TAFAZZIN: variants seen among roughly 807,000 people sequenced by gnomAD.
TAFAZZIN encodes tafazzin, phospholipid-lysophospholipid transacylase, also known as protein G4.5.
Under a neutral mutation model 27.3 loss-of-function variants are expected in TAFAZZIN, and 6 were observed. That is an observed-to-expected ratio of 0.22 (90% CI 0.12 to 0.43). The LOEUF is 0.43. Among genes scored for constraint, TAFAZZIN ranks in the 20% least tolerant of loss-of-function variants. TAFAZZIN has a pLI of 1.00. For missense variants in TAFAZZIN, 127 were observed against 244.5 expected, an observed-to-expected ratio of 0.52 and a Z score of 3.21; for synonymous variants, 79 against 96.2, an observed-to-expected ratio of 0.82 and a Z score of 1.04.
In TAFAZZIN at chrX:154,412,160, C is replaced by T. The variant is rs2068328744; in HGVS notation, c.184C>T (p.Pro62Ser). The T allele has an allele frequency of 8.3e-6, 10 of 1,202,404 alleles. No individual in the cohort carries two copies. The highest frequency in any genetic ancestry group is 1.1e-5 in the Non-Finnish European group (10 of 890,599). Residue 62 changes from proline to serine, a missense_variant, in exon 2 of 11, where the codon CCC (proline) becomes TCC (serine). Coordinates refer to ENST00000601016, the MANE Select transcript of TAFAZZIN (RefSeq NM_000116.5). ...CATCGAGAAGCGAGGCCCGGCCACGCCCCTCATCACCGTGTCCAATCACCA... is the reference window on the plus strand; with the variant it reads ...CATCGAGAAGCGAGGCCCGGCCACGTCCCTCATCACCGTGTCCAATCACCA... ...ELIEKRGPAT[P>S]LITVSNHQSC...
At position 154,414,149 on chromosome X, in the gene TAFAZZIN, C is replaced by T. The variant is rs727503454; in HGVS notation, c.419C>T (p.Thr140Ile). ...AATGAGGGGAAAGGTGTTCTAGACA[C>T]AGGCAGGCACATGCCAGGTGCTGGA... ...AENEGKGVLD[T>I]GRHMPGAGKR... Residue 140 changes from threonine to isoleucine, a missense_variant, in exon 5 of 11, where the codon ACA becomes ATA. By Grantham distance (89) the Thr-to-Ile change is moderately conservative. Transcript: ENST00000601016. 3 of 1,207,436 alleles carry T rather than the reference C, an allele frequency of 2.5e-6. No homozygotes were observed. The highest frequency in any genetic ancestry group is 3.4e-6 in the Non-Finnish European group (3 of 894,053).
intron 5 of TAFAZZIN, among the ~76,000 whole-genome samples, chrX:154,418,104 T>C (rs2068536418): frequency 8.9e-6 from 1 of 112,083 alleles, no homozygotes; most frequent in Non-Finnish European, 1.9e-5. Flanking sequence ...ATTTTTTAAA[T>C]TCCAGTTTCA....
intron 2 of TAFAZZIN, chrX:154,412,913 C>G: frequency 2.5e-6 from 1 of 394,397 alleles, no homozygotes; most frequent in Non-Finnish European, 4.5e-6. Context: ...ATCCACTAGC[C>G]TAGACTGGGC....
intron 3 of TAFAZZIN, 38 bp from the exon 4 acceptor site, chrX:154,413,444 T>A (rs782135922): frequency 8.3e-7 from 1 of 1,208,813 alleles, no homozygotes; most frequent in Non-Finnish European, 1.1e-6. Context: ...TGGAGCGGGG[T>A]GCAGGGGGCA....
chrX:154,411,892 T>G lies in TAFAZZIN; in HGVS notation c.49T>G (p.Trp17Gly). ...WPFPAVPPLT[W>G]TLASSVVMGL... The stretch of plus-strand genomic sequence containing the variant: ...GTTCCCCGCGGTGCCGCCGCTCACC[T>G]GGACCCTGGCCAGCAGCGTCGTCAT... Residue 17 changes from tryptophan to glycine, a missense_variant, in exon 1 of 11, where the codon TGG (tryptophan) becomes GGG (glycine). Coordinates refer to ENST00000601016, the MANE Select transcript of TAFAZZIN (RefSeq NM_000116.5). The G allele has an allele frequency of 8.3e-7, 1 of 1,207,290 alleles. No individual in the cohort carries two copies. The highest frequency in any genetic ancestry group is 1.1e-6 in the Non-Finnish European group (1 of 894,162).
chrX:154,416,025 G>A (rs935597746), intron 5 of TAFAZZIN, among the ~76,000 whole-genome samples: 2 of 110,762 alleles, frequency 1.8e-5, no homozygotes, highest in Non-Finnish European at 1.9e-5. Context: ...TTGCGAGGCC[G>A]AGGCGGGTGG....
At chrX:154,419,826 G>T in intron 7 of TAFAZZIN, 80 bp downstream of exon 7, 1 of 1,179,340 alleles carries the variant, frequency 8.5e-7, no homozygotes, top group East Asian at 3.0e-5. Flanking sequence ...CCGCCCCCTC[G>T]GGCTGGCTTG....
Position 154,414,136 on chromosome X carries a change from GGT to G in TAFAZZIN, c.409_410del (p.Val137SerfsTer65). The G allele has an allele frequency of 8.3e-7, 1 of 1,209,405 alleles. No homozygotes were observed. Among genetic ancestry groups the G allele is most frequent in the African/African-American group, 1.7e-5 (1 of 57,450 alleles). ...EFFQAENEGK[G>X]VLDTGRHMPG... is the part of the protein sequence containing the mutation. ...TTTCCAAGCAGAGAATGAGGGGAAA[GGT>G]GTTCTAGACACAGGCAGGCACATGC... On this transcript the variant is annotated frameshift_variant, in exon 5 of 11. Coordinates refer to ENST00000601016, the MANE Select transcript of TAFAZZIN (RefSeq NM_000116.5). LOFTEE classifies it high-confidence loss of function.
intron 9 of TAFAZZIN, 65 bp from the exon 10 acceptor site, chrX:154,420,593 G>A: frequency 8.6e-7 from 1 of 1,160,485 alleles, no homozygotes; most frequent in Non-Finnish European, 1.2e-6. Context: ...TGGCTCCCGG[G>A]TTGCTTGGGC....
intron 1 of TAFAZZIN, 43 bp from the exon 2 acceptor site, chrX:154,412,043 T>C: frequency 8.3e-7 from 1 of 1,207,908 alleles, no homozygotes; most frequent in Non-Finnish European, 1.1e-6. Context: ...GGCCCCGACC[T>C]AGCGGGCGAG....
intron 5 of TAFAZZIN, 196 bp from the exon 6 acceptor site, chrX:154,419,347 G>A (rs997658787): frequency 1.1e-4 from 52 of 465,367 alleles, no homozygotes; most frequent in Non-Finnish European, 9.0e-5. Context: ...TGTGGATGGC[G>A]CAGTGGGGGA....
chrX:154,413,448 G>C (rs1557191722), intron 3 of TAFAZZIN, 34 bp from the exon 4 acceptor site: 2 of 1,209,071 alleles, frequency 1.7e-6, no homozygotes, highest in Non-Finnish European at 2.2e-6. Flanking sequence ...GCGGGGTGCA[G>C]GGGGCAGGAC....
intron 5 of TAFAZZIN, among the ~76,000 whole-genome samples, chrX:154,416,774 G>A (rs1361883668): frequency 9.0e-6 from 1 of 111,390 alleles, no homozygotes; most frequent in Non-Finnish European, 1.9e-5. Context: ...CTGCATCTGA[G>A]GAGCCCCTCA....
chrX:154,411,922 T>C lies in TAFAZZIN; in HGVS notation c.79T>C (p.Leu27=), dbSNP rs782716787. Residue 27 remains leucine (L), a synonymous_variant, in exon 1 of 11, where the codon TTG becomes CTG. Coordinates refer to ENST00000601016, the MANE Select transcript of TAFAZZIN (RefSeq NM_000116.5). ...CCTGGCCAGCAGCGTCGTCATGGGC[T>C]TGGTGGGCACCTACAGCTGCTTCTG... The part of the protein sequence containing the change: ...WTLASSVVMG[L]VGTYSCFWTK... 18 of 1,206,239 alleles carry C rather than the reference T, an allele frequency of 1.5e-5. No homozygotes were observed. The highest frequency in any genetic ancestry group is 1.1e-6 in the Non-Finnish European group (1 of 893,660).
intron 5 of TAFAZZIN, 51 bp downstream of exon 5, chrX:154,414,241 C>G (rs782653727): frequency 9.4e-7 from 1 of 1,062,075 alleles, no homozygotes; most frequent in East Asian, 3.0e-5. Context: ...TTTGTGAGGT[C>G]GAGGTGAGAG....
chrX:154,421,163 C>T lies in TAFAZZIN; in HGVS notation c.*159C>T. On this transcript the variant is annotated 3_prime_UTR_variant, in exon 11 of 11. Transcript: ENST00000601016. Reference sequence around the variant, plus strand: ...TAGGCATTCCAGCTCCTCCGTGCTTCCTCAGTTACACAAAGGACCTCAGCT... The same window carrying T: ...TAGGCATTCCAGCTCCTCCGTGCTTTCTCAGTTACACAAAGGACCTCAGCT... 1 of 533,737 alleles carries T rather than the reference C, an allele frequency of 1.9e-6. No individual in the cohort carries two copies. The highest frequency in any genetic ancestry group is 3.3e-6 in the Non-Finnish European group (1 of 305,578). 44.0% of individuals were successfully genotyped at this position (533,737 alleles called of 1,213,427 possible).
intron 5 of TAFAZZIN, among the ~76,000 whole-genome samples, chrX:154,418,190 T>A (rs1557193448): frequency 8.9e-6 from 1 of 111,838 alleles, no homozygotes; most frequent in East Asian, 2.8e-4. Flanking sequence ...CCTGTACTAT[T>A]ACACATGCTG....
chrX:154,413,296 C>T (rs1488804193), intron 3 of TAFAZZIN, 44 bp downstream of exon 3: 3 of 1,209,446 alleles, frequency 2.5e-6, no homozygotes, highest in Non-Finnish European at 3.4e-6. Flanking sequence ...GCCGGCCCCA[C>T]CTGCCTCTGC....
Position 154,411,684 on chromosome X carries a change from C to T in TAFAZZIN, c.-160C>T, listed in dbSNP as rs1189221933. ...CCGGGCGCTGCTCCGGCCTGACCTG[C>T]GAAGGGACCTCGGTCCAGTCCCCTG... On this transcript the variant is annotated 5_prime_UTR_variant, in exon 1 of 11. Coordinates refer to ENST00000601016, the MANE Select transcript of TAFAZZIN (RefSeq NM_000116.5). 5 of 529,510 alleles carry T rather than the reference C, an allele frequency of 9.4e-6. No individual in the cohort carries two copies. The South Asian group carries it at 1.2e-4, about 13-fold the overall frequency. 43.6% of individuals were successfully genotyped at this position (529,510 alleles called of 1,213,427 possible).
Sources: gnomAD v4.1 joint callset for allele counts (sites outside exome capture counted in the v4.1 genomes callset) on GRCh38, gnomAD v4.1.1 for gene constraint, MANE v1.5 for transcripts, NCBI Gene and HGNC (gene_info 2026-07-23, HGNC 2026-07-21) for gene names.